Variants in SLC17A1 observed in about 807,000 individuals in gnomAD.
SLC17A1 encodes the protein sodium-dependent phosphate transport protein 1.
SLC17A1 carries 51 observed loss-of-function variants against 53.5 expected under a neutral mutation model. The observed-to-expected ratio is 0.95, with a 90% CI of 0.76 to 1.20. The LOEUF is 1.20. Among genes scored for constraint, SLC17A1 ranks in the 50% most tolerant of loss-of-function variants. The pLI is 0.00. For synonymous variants in SLC17A1, 179 were observed against 198.8 expected (o/e 0.90, Z 0.84); for missense variants, 538 against 568.2 (o/e 0.95, Z 0.54).
chr6:25,809,178 A>G (rs1232114608), intron 10 of SLC17A1, among the ~76,000 whole-genome samples: 1 of 152,110 alleles, frequency 6.6e-6, no homozygotes, highest in African/African-American at 2.4e-5. Flanking sequence ...GTTCTCAGTT[A>G]TAAAGTAAGA....
chr6:25,831,696 G>A (rs1008456712), intron 1 of SLC17A1, among the ~76,000 whole-genome samples: 7 of 151,952 alleles, frequency 4.6e-5, no homozygotes, highest in Non-Finnish European at 1.0e-4. Flanking sequence ...TGCACCAGGC[G>A]TACACAGTGT....
downstream of SLC17A1, chr6:25,780,704 T>A (rs1003224165): frequency 6.6e-6 from 1 of 152,134 alleles, no homozygotes; most frequent in South Asian, 2.1e-4. Flanking sequence ...CATGAGAGAT[T>A]AGGTTGGAGT....
rs779336869 is a variant in SLC17A1 at position 25,819,018 on chromosome 6, A to AT, written c.616+49dup. ...CATTATATTGGGTTTTAATGTTTAA[A>AT]TTTTTTTAGATTCTGAATAATAACT... is the stretch of plus-strand genomic sequence containing the variant. On this transcript the variant is annotated intron_variant, in intron 6 of 12. Coordinates refer to ENST00000244527, the MANE Select transcript of SLC17A1 (RefSeq NM_005074.5). 2.9e-5 allele frequency: 37 copies of AT among 1,295,946 alleles called. No homozygotes were observed. In the South Asian group the frequency reaches 5.3e-4, roughly 18 times the overall value. 80.3% of individuals were successfully genotyped at this position (1,295,946 alleles called of 1,614,324 possible).
intron 6 of SLC17A1, among the ~76,000 whole-genome samples, chr6:25,814,990 A>AAC (rs56723023): frequency 0.056 from 2,888 of 51,484 alleles, 41 homozygotes; most frequent in South Asian, 0.078. Flanking sequence ...CTGTCACACA[A>AAC]ACACACACAC....
intron 3 of SLC17A1, among the ~76,000 whole-genome samples, chr6:25,825,466 A>G (rs1391560437): frequency 1.3e-5 from 2 of 151,932 alleles, no homozygotes; most frequent in African/African-American, 4.8e-5. Context: ...TAAAAAGTTC[A>G]CTTTTCTCTC....
chr6:25,828,679 G>A (rs996140212), intron 2 of SLC17A1, among the ~76,000 whole-genome samples: 1 of 151,736 alleles, frequency 6.6e-6, no homozygotes, highest in Non-Finnish European at 1.5e-5. Flanking sequence ...TATATTGGAA[G>A]CTATTTTATT....
chr6:25,810,018 G>T (rs1267379442), intron 10 of SLC17A1, among the ~76,000 whole-genome samples: 1 of 151,996 alleles, frequency 6.6e-6, no homozygotes, highest in African/African-American at 2.4e-5. Flanking sequence ...ATGAGGGAAG[G>T]ATGGTGTCTT....
chr6:25,737,917 G>C, the SLC17A1 span, among the ~76,000 whole-genome samples: 2 of 152,132 alleles, frequency 1.3e-5, no homozygotes, highest in East Asian at 1.9e-4. Flanking sequence ...TGGTATCTAA[G>C]ATCAGGAGCA....
At chr6:25,767,329 AAGAAG>A in the SLC17A1 span, among the ~76,000 whole-genome samples, 1 of 152,202 alleles carries the variant, frequency 6.6e-6, no homozygotes, top group South Asian at 2.1e-4. Context: ...TATTAAGAAT[AAGAAG>A]AGATCATCCC....
At chr6:25,809,716 C>T (rs576422489) in intron 10 of SLC17A1, among the ~76,000 whole-genome samples, 15 of 152,140 alleles carry the variant, frequency 9.9e-5, no homozygotes, top group African/African-American at 3.4e-4. Context: ...AGATTCAATG[C>T]AATCCTTATC....
chr6:25,791,753 G>A (rs372772910), intron 12 of SLC17A1, among the ~76,000 whole-genome samples: 1 of 152,192 alleles, frequency 6.6e-6, no homozygotes, highest in East Asian at 1.9e-4. Flanking sequence ...AGGCCTACAG[G>A]AGGTTAAAAT....
intron 6 of SLC17A1, among the ~76,000 whole-genome samples, chr6:25,813,944 A>G (rs116119485): frequency 0.011 from 1,617 of 152,288 alleles, 25 homozygotes; most frequent in African/African-American, 0.034. Context: ...ATAGTATTCA[A>G]TGGTGTATAT....
the SLC17A1 span, chr6:25,762,051 A>G: frequency 6.2e-7 from 1 of 1,612,950 alleles, no homozygotes; most frequent in Non-Finnish European, 8.5e-7. Flanking sequence ...TGCTCCAGGA[A>G]AGGTAAAATC....
At chr6:25,775,095 T>C in the SLC17A1 span, among the ~76,000 whole-genome samples, 1 of 152,174 alleles carries the variant, frequency 6.6e-6, no homozygotes, top group Non-Finnish European at 1.5e-5. Flanking sequence ...TTTGGGAGGA[T>C]GAGGCAGGTG....
chr6:25,751,926 T>G, the SLC17A1 span, among the ~76,000 whole-genome samples: 1 of 152,190 alleles, frequency 6.6e-6, no homozygotes, highest in African/African-American at 2.4e-5. Context: ...TAGGCCCCAT[T>G]TGTTTCAAGG....
the SLC17A1 span, chr6:25,726,231 G>C: frequency 1.2e-6 from 2 of 1,613,224 alleles, no homozygotes; most frequent in African/African-American, 2.7e-5. Context: ...TGGTCACGCC[G>C]CCCAAAAGCT....
downstream of SLC17A1, chr6:25,779,637 A>G (rs1763206811): frequency 6.4e-6 from 1 of 156,762 alleles, no homozygotes; most frequent in African/African-American, 2.4e-5. Flanking sequence ...AGGAAAGAAC[A>G]ATAATGATTC....
chr6:25,726,140 T>C, the SLC17A1 span: 3 of 1,535,596 alleles, frequency 2.0e-6, no homozygotes, highest in South Asian at 1.3e-5. Flanking sequence ...AGTTACTTGC[T>C]TTGGGCTTTA....
the SLC17A1 span, among the ~76,000 whole-genome samples, chr6:25,760,377 A>G: frequency 6.6e-6 from 1 of 152,076 alleles, no homozygotes; most frequent in Non-Finnish European, 1.5e-5. Flanking sequence ...GTGATCTTCT[A>G]TGGTATCTAT....
Sources: allele counts gnomAD v4.1 joint callset (sites outside exome capture counted in the v4.1 genomes callset), GRCh38; gene constraint gnomAD v4.1.1; transcripts MANE v1.5; gene names NCBI Gene and HGNC (gene_info 2026-07-23, HGNC 2026-07-21).